Variants in MKKS observed in about 807,000 individuals in gnomAD.
MKKS encodes molecular chaperone MKKS.
MKKS carries 29 observed loss-of-function variants against 33.2 expected under a neutral mutation model. The observed-to-expected ratio is 0.87, with a 90% CI of 0.65 to 1.19. MKKS has a LOEUF of 1.19. MKKS is among the 50% of genes most tolerant of loss of function. The probability of loss-of-function intolerance (pLI) is 0.00; values close to 1 mark genes in which losing one functional copy is unlikely to be tolerated. For missense variants in MKKS, 661 were observed against 662.3 expected (o/e 1.00, Z 0.02); for synonymous variants, 260 against 244.0 (o/e 1.07, Z -0.61).
intron 1 of MKKS, among the ~76,000 whole-genome samples, chr20:10,430,486 T>C (rs2065047490): frequency 6.6e-6 from 1 of 152,194 alleles, no homozygotes; most frequent in African/African-American, 2.4e-5. Context: ...AAAAAAACAT[T>C]ACTGGAATTA....
chr20:10,424,179 T>C (rs1436203923), intron 1 of MKKS, among the ~76,000 whole-genome samples: 2 of 152,000 alleles, frequency 1.3e-5, no homozygotes, highest in African/African-American at 2.4e-5. Context: ...CTGAGCAAGA[T>C]GGAATTAGCA....
At chr20:10,433,089 C>T (rs1213491985) in intron 1 of MKKS, among the ~76,000 whole-genome samples, 3 of 152,220 alleles carry the variant, frequency 2.0e-5, no homozygotes, top group African/African-American at 7.2e-5. Flanking sequence ...CCGCAACCTC[C>T]GCCTCCAGGG....
intron 1 of MKKS, among the ~76,000 whole-genome samples, chr20:10,431,516 T>TA (rs1207243108): frequency 3.4e-5 from 5 of 145,386 alleles, no homozygotes; most frequent in African/African-American, 1.4e-4. Context: ...CTCAATGCTG[T>TA]ATAGGGTCAA....
chr20:10,413,491 C>G lies in MKKS; in HGVS notation c.24G>C (p.Lys8Asn). The G allele has an allele frequency of 6.2e-7, 1 of 1,614,202 alleles. No homozygotes were observed. Among genetic ancestry groups the G allele is most frequent in the Non-Finnish European group, 8.5e-7 (1 of 1,180,026 alleles). ...GTGGTTCACTCTTACACAATGATGGCTTCTTAGCTTCCAAACGAGACATCT... is the reference window on the plus strand; with the variant it reads ...GTGGTTCACTCTTACACAATGATGGGTTCTTAGCTTCCAAACGAGACATCT... The part of the protein sequence containing the change: MSRLEAK[K>N]PSLCKSEPLT... Residue 8 changes from lysine (K) to asparagine (N), a missense_variant, in exon 3 of 6, where the codon AAG (lysine) becomes AAC (asparagine). Transcript: ENST00000347364.
At chr20:10,408,454 T>C (rs1278329435) in intron 4 of MKKS, among the ~76,000 whole-genome samples, 174 bp downstream of exon 4, 1 of 152,250 alleles carries the variant, frequency 6.6e-6, no homozygotes, top group African/African-American at 2.4e-5. Flanking sequence ...ACATGCCAAA[T>C]TTATTATAAT....
At chr20:10,410,209 G>A (rs907445391) in intron 3 of MKKS, among the ~76,000 whole-genome samples, 4 of 152,006 alleles carry the variant, frequency 2.6e-5, no homozygotes, top group African/African-American at 4.8e-5. Context: ...TGAGAAGGCC[G>A]GCTCTACTGC....
Position 10,405,235 on chromosome 20 carries a change from C to T in MKKS, c.*12G>A, listed in dbSNP as rs2064832900. On this transcript the variant is annotated 3_prime_UTR_variant, in exon 6 of 6. Transcript: ENST00000347364. ...TTATTTGTTTCTCTTGTAATACGAA[C>T]ATGCTATTCTCTTAGTTTTTATCTT... 1 of 1,594,280 alleles carries T rather than the reference C, an allele frequency of 6.3e-7. No homozygotes were observed. Among genetic ancestry groups the T allele is most frequent in the Non-Finnish European group, 8.6e-7 (1 of 1,167,208 alleles).
intron 3 of MKKS, among the ~76,000 whole-genome samples, chr20:10,410,746 A>G (rs2064878483): frequency 6.6e-6 from 1 of 152,178 alleles, no homozygotes; most frequent in Non-Finnish European, 1.5e-5. Context: ...AAGGCCTGAA[A>G]TGAGGTAATG....
chr20:10,412,788 G>C lies in MKKS; in HGVS notation c.727C>G (p.Leu243Val). 1 of 1,614,174 alleles carries C rather than the reference G, an allele frequency of 6.2e-7. No homozygotes were observed. The highest frequency in any genetic ancestry group is 8.5e-7 in the Non-Finnish European group (1 of 1,180,022). Residue 243 changes from leucine to valine, a missense_variant, in exon 3 of 6, where the codon CTC becomes GTC. Coordinates refer to ENST00000347364, the MANE Select transcript of MKKS (RefSeq NM_170784.3). ...TCTCCGGATAAAGTTGTACAAAAGA[G>C]TGCCACCTTGAGGGCAGTTGATTTT... ...IKKSTALKVA[L>V]FCTTLSGDTS...
intron 1 of MKKS, among the ~76,000 whole-genome samples, chr20:10,432,275 C>G (rs2065058824): frequency 6.6e-6 from 1 of 152,214 alleles, no homozygotes; most frequent in African/African-American, 2.4e-5. Flanking sequence ...TTCTATTGCC[C>G]AATCCTGCTT....
intron 3 of MKKS, among the ~76,000 whole-genome samples, chr20:10,409,893 C>T (rs1482611487): frequency 7.1e-6 from 1 of 140,368 alleles, no homozygotes; most frequent in Non-Finnish European, 1.5e-5. Context: ...ATCGCTTGAA[C>T]CTGGGGGGCA....
chr20:10,407,922 T>C (rs895729770), intron 4 of MKKS, among the ~76,000 whole-genome samples, 196 bp from the exon 5 acceptor site: 2 of 152,220 alleles, frequency 1.3e-5, no homozygotes, highest in African/African-American at 4.8e-5. Flanking sequence ...GGAAGATACT[T>C]CAGTCAGAAG....
Position 10,402,533 on chromosome 20 carries a change from C to CA in MKKS, c.*2713dup, listed in dbSNP as rs2064816021. The CA allele has an allele frequency of 6.6e-6, 1 of 151,952 alleles. No homozygotes were observed. The highest frequency in any genetic ancestry group is 6.6e-5 in the Admixed American group (1 of 15,240). The allele number at this position is 151,952 out of a possible 1,614,324, so 9.4% of individuals were successfully genotyped here. On this transcript the variant is annotated 3_prime_UTR_variant, in exon 6 of 6. Transcript: ENST00000347364. ...ATTCAAAATAAGAGCATTGATGTTT[C>CA]ACTAAGGAATGTAATCAAATTGTAT...
At chr20:10,425,879 C>G (rs2065011270) in intron 1 of MKKS, among the ~76,000 whole-genome samples, 1 of 151,834 alleles carries the variant, frequency 6.6e-6, no homozygotes, top group African/African-American at 2.4e-5. Flanking sequence ...AAACATATTT[C>G]TAAAAAAAGA....
chr20:10,413,579 G>C lies in MKKS; in HGVS notation c.-65C>G. 1 of 1,522,386 alleles carries C rather than the reference G, an allele frequency of 6.6e-7. No individual in the cohort carries two copies. The highest frequency in any genetic ancestry group is 9.1e-7 in the Non-Finnish European group (1 of 1,100,126). The allele number at this position is 1,522,386 out of a possible 1,614,324, so 94.3% of individuals were successfully genotyped here. A position where few individuals can be genotyped will look rare whatever the true frequency, so the allele number is the denominator to read the frequency against. On this transcript the variant is annotated 5_prime_UTR_variant, in exon 3 of 6. Transcript: ENST00000347364. ...TGTAAACCACATTTTTCTATTTATT[G>C]CATTATCACGTTTTAACATTAAAAA...
In MKKS at chr20:10,403,503, A is replaced by G. The variant is rs1312886040; in HGVS notation, c.*1744T>C. The G allele has an allele frequency of 6.6e-6, 1 of 152,120 alleles. No homozygotes were observed. The highest frequency in any genetic ancestry group is 1.5e-5 in the Non-Finnish European group (1 of 68,034). The allele number at this position is 152,120 out of a possible 1,614,324, so 9.4% of individuals were successfully genotyped here. ...TCAGGGTGATATCATAACTGGAATC[A>G]CCCCAGGCTTCCTCAGGAGGTAGTT... On this transcript the variant is annotated 3_prime_UTR_variant, in exon 6 of 6. Transcript: ENST00000347364.
chr20:10,407,837 A>C, intron 4 of MKKS, 111 bp from the exon 5 acceptor site: 1 of 850,482 alleles, frequency 1.2e-6, no homozygotes. Flanking sequence ...TTTAATTACA[A>C]AAGAACAAAA....
In MKKS at chr20:10,402,962, T is replaced by C. The variant is rs2122216132; in HGVS notation, c.*2285A>G. ...TTATTATCTCACAGATTTTGTGGGT[T>C]AGGAACCAACCTGGGAGTAGCTTAG... On this transcript the variant is annotated 3_prime_UTR_variant, in exon 6 of 6. Coordinates refer to ENST00000347364, the MANE Select transcript of MKKS (RefSeq NM_170784.3). 6.6e-6 allele frequency: 1 copy of C among 152,364 alleles called. No individual in the cohort carries two copies. Among genetic ancestry groups the C allele is most frequent in the East Asian group, 1.9e-4 (1 of 5,182 alleles). 9.4% of individuals were successfully genotyped at this position (152,364 alleles called of 1,614,324 possible).
At chr20:10,425,483 A>G (rs1975957019) in intron 1 of MKKS, among the ~76,000 whole-genome samples, 1 of 152,254 alleles carries the variant, frequency 6.6e-6, no homozygotes, top group Non-Finnish European at 1.5e-5. Flanking sequence ...CTTGACAAGA[A>G]AGTTTTTAAA....
Sources: allele counts gnomAD v4.1 joint callset (sites outside exome capture counted in the v4.1 genomes callset), GRCh38; gene constraint gnomAD v4.1.1; transcripts MANE v1.5; gene names NCBI Gene and HGNC (gene_info 2026-07-23, HGNC 2026-07-21).